The following AVEN variants were observed in gnomAD, a reference collection of about 807,000 sequenced individuals.
AVEN encodes apoptosis and caspase activation inhibitor.
In AVEN, 41 loss-of-function variants were observed where a neutral mutation model predicts 38.1. That is an observed-to-expected ratio of 1.08 (90% CI 0.84 to 1.40). The LOEUF is 1.40. Ranked by LOEUF, AVEN falls within the 40% of genes most tolerant of loss-of-function variation. The pLI, the probability that AVEN is intolerant of heterozygous loss-of-function variation, is 0.00. For missense variants in AVEN, 605 were observed against 438.8 expected, an observed-to-expected ratio of 1.38 and a Z score of -3.38; for synonymous variants, 206 against 171.8, an observed-to-expected ratio of 1.20 and a Z score of -1.56.
At chr15:33,947,564 C>T (rs1894554859) in intron 2 of AVEN, among the ~76,000 whole-genome samples, 1 of 152,154 alleles carries the variant, frequency 6.6e-6, no homozygotes, top group African/African-American at 2.4e-5. Flanking sequence ...GCTCAAGTCC[C>T]TGACACAAAA....
intron 1 of AVEN, among the ~76,000 whole-genome samples, chr15:34,036,685 G>C (rs1454669392): frequency 2.0e-5 from 3 of 152,138 alleles, no homozygotes; most frequent in African/African-American, 7.2e-5. Flanking sequence ...TCCAGCTTTG[G>C]CTGAAAACAT....
In AVEN at chr15:34,017,491, T is replaced by TTTTG. The variant is rs976619089; in HGVS notation, c.268-14283_268-14282insCAAA. On this transcript the variant is annotated intron_variant, in intron 1 of 5. Transcript: ENST00000306730. ...CAGTATGATTTTTTTTTTGTTTTTTTTTTTTTTTTGAGACAGGGTCTTGCT... is the reference window on the plus strand; with the variant it reads ...CAGTATGATTTTTTTTTTGTTTTTTTTTTGTTTTTTTTTGAGACAGGGTCTTGCT... Among the ~76,000 whole-genome samples the TTTTG allele has an allele frequency of 1.0e-4, 9 of 87,238 alleles. No individual in the cohort carries two copies. In the South Asian group the frequency reaches 1.6e-3, roughly 15 times the overall value. 57.2% of individuals were successfully genotyped at this position (87,238 alleles called of 152,430 possible).
In AVEN at chr15:34,039,010, G is replaced by A; in HGVS notation, c.37C>T (p.Arg13Trp). ...AERGARGGRGRRPGRGRPGGD... is the reference protein window; with the variant it reads ...AERGARGGRGWRPGRGRPGGD... ...CCAGGCCGGCCGCGGCCTGGCCGCCGCCCACGGCCTCCCCGAGCTCCTCGC... is the reference window on the plus strand; with the variant it reads ...CCAGGCCGGCCGCGGCCTGGCCGCCACCCACGGCCTCCCCGAGCTCCTCGC... Residue 13 changes from arginine to tryptophan, a missense_variant, in exon 1 of 6, where the codon CGG becomes TGG. By Grantham distance (101) the Arg-to-Trp change is moderately radical. Coordinates refer to ENST00000306730, the MANE Select transcript of AVEN (RefSeq NM_020371.3). The A allele has an allele frequency of 2.7e-6, 3 of 1,120,832 alleles. No homozygotes were observed. The highest frequency in any genetic ancestry group is 4.7e-5 in the Admixed American group (1 of 21,154). 69.4% of individuals were successfully genotyped at this position (1,120,832 alleles called of 1,614,324 possible). A position where few individuals can be genotyped will look rare whatever the true frequency, so the allele number is the denominator to read the frequency against.
At chr15:34,000,412 T>C (rs1567458800) in intron 2 of AVEN, among the ~76,000 whole-genome samples, 1 of 152,136 alleles carries the variant, frequency 6.6e-6, no homozygotes, top group Non-Finnish European at 1.5e-5. Context: ...CTGGTCACAA[T>C]TTAAAAGTCC....
chr15:33,994,979 T>G (rs1896875616), intron 2 of AVEN, among the ~76,000 whole-genome samples: 1 of 152,170 alleles, frequency 6.6e-6, no homozygotes, highest in African/African-American at 2.4e-5. Flanking sequence ...ATAATAATAC[T>G]GGCCAGGCAC....
chr15:33,956,712 A>G (rs1195918907), intron 2 of AVEN, among the ~76,000 whole-genome samples: 1 of 151,798 alleles, frequency 6.6e-6, no homozygotes, highest in African/African-American at 2.4e-5. Flanking sequence ...ATTTTGTCCA[A>G]TATTTTAAAA....
At chr15:33,971,508 G>A (rs908916203) in intron 2 of AVEN, among the ~76,000 whole-genome samples, 3 of 151,840 alleles carry the variant, frequency 2.0e-5, no homozygotes, top group Admixed American at 6.6e-5. Context: ...CATCCATTTC[G>A]TGTATGTTGA....
At chr15:34,061,696 C>T (rs1900339345) in intron 5 of AVEN, among the ~76,000 whole-genome samples, 1 of 152,054 alleles carries the variant, frequency 6.6e-6, no homozygotes, top group South Asian at 2.1e-4. Context: ...AAAAGATAAC[C>T]TAAAACAATT....
exon 12 of AVEN, chr15:33,858,944 G>A (rs2080031630): frequency 6.6e-6 from 1 of 152,634 alleles, no homozygotes; most frequent in Non-Finnish European, 1.5e-5. Flanking sequence ...AGCCCCTAGA[G>A]TACTGGCATG....
At chr15:34,031,962 A>C (rs545239868) in intron 1 of AVEN, among the ~76,000 whole-genome samples, 2 of 152,072 alleles carry the variant, frequency 1.3e-5, no homozygotes, top group Non-Finnish European at 2.9e-5. Flanking sequence ...ATTTCCATCC[A>C]AGAGAAAAAG....
chr15:33,954,802 TAAAG>T (rs1246920908), intron 2 of AVEN, among the ~76,000 whole-genome samples: 1 of 152,194 alleles, frequency 6.6e-6, no homozygotes, highest in East Asian at 1.9e-4. Flanking sequence ...TAAAGTATAA[TAAAG>T]ACTTTTCAAT....
At chr15:34,022,087 C>A (rs939061732) in intron 1 of AVEN, among the ~76,000 whole-genome samples, 2 of 152,176 alleles carry the variant, frequency 1.3e-5, no homozygotes, top group African/African-American at 4.8e-5. Flanking sequence ...ATATTTAAAA[C>A]CTACTCCTGC....
At chr15:34,022,438 G>A (rs1278871769) in intron 1 of AVEN, among the ~76,000 whole-genome samples, 2 of 152,120 alleles carry the variant, frequency 1.3e-5, no homozygotes, top group Non-Finnish European at 2.9e-5. Context: ...CAGCAAAGGC[G>A]CCTACAGAAG....
intron 2 of AVEN, among the ~76,000 whole-genome samples, chr15:33,961,732 G>C (rs1243123697): frequency 6.8e-6 from 1 of 146,582 alleles, no homozygotes; most frequent in Non-Finnish European, 1.5e-5. Flanking sequence ...AGAATGGCGT[G>C]AACCCGGGAG....
rs985102931 is a variant in AVEN, at chr15:34,038,915, G to A, written c.132C>T (p.Gly44=). Residue 44 remains glycine, a synonymous_variant, in exon 1 of 6, where the codon GGC becomes GGT. Transcript: ENST00000306730. The stretch of plus-strand genomic sequence containing the variant: ...GGCCCCGGCGTCCGCCTCCGTCCCC[G>A]CCGCCGCCTCCGCCGCCGCCTCTGG... ...AVARGGGGGG[G]GDGGGRRGRG... is the part of the protein sequence containing the mutation. 5.5e-6 allele frequency: 4 copies of A among 721,740 alleles called. No individual in the cohort carries two copies. Among genetic ancestry groups the A allele is most frequent in the African/African-American group, 2.0e-5 (1 of 50,962 alleles). 44.7% of individuals were successfully genotyped at this position (721,740 alleles called of 1,614,324 possible).
chr15:33,985,934 C>T (rs1333424873), intron 2 of AVEN, among the ~76,000 whole-genome samples: 1 of 152,100 alleles, frequency 6.6e-6, no homozygotes, highest in African/African-American at 2.4e-5. Context: ...GGCAGAATGC[C>T]AGAAAGCCCA....
intron 1 of AVEN, among the ~76,000 whole-genome samples, chr15:34,028,495 G>A (rs538479868): frequency 5.9e-5 from 9 of 152,342 alleles, no homozygotes; most frequent in Non-Finnish European, 1.3e-4. Flanking sequence ...AGCCAAGGAG[G>A]TCAAGGCTTT....
intron 2 of AVEN, among the ~76,000 whole-genome samples, chr15:33,918,812 T>C (rs1208185854): frequency 6.6e-6 from 1 of 152,134 alleles, no homozygotes; most frequent in Admixed American, 6.5e-5. Flanking sequence ...CTTAATTGAC[T>C]AAACAGAATT....
chr15:33,870,693 T>C (rs1890908190), intron 4 of AVEN, among the ~76,000 whole-genome samples: 1 of 152,222 alleles, frequency 6.6e-6, no homozygotes, highest in Non-Finnish European at 1.5e-5. Context: ...ACTTTATATT[T>C]TACATTTCAC....
Sources: gnomAD v4.1 joint callset for allele counts (sites outside exome capture counted in the v4.1 genomes callset) on GRCh38, gnomAD v4.1.1 for gene constraint, MANE v1.5 for transcripts, NCBI Gene and HGNC (gene_info 2026-07-23, HGNC 2026-07-21) for gene names.